Variants in CAPZB observed in about 807,000 individuals in gnomAD.
CAPZB encodes F-actin-capping protein subunit beta.
CAPZB carries 2 observed loss-of-function variants against 38.1 expected under a neutral mutation model. The observed-to-expected ratio is 0.05, with a 90% CI of 0.02 to 0.17. The LOEUF (loss-of-function observed/expected upper bound fraction) is 0.17, where lower values mean the gene tolerates loss of function less well. Among genes scored for constraint, CAPZB ranks in the 10% least tolerant of loss-of-function variants. CAPZB has a pLI of 1.00. For synonymous variants in CAPZB, 107 were observed against 127.4 expected, an observed-to-expected ratio of 0.84 and a Z score of 1.08; for missense variants, 161 against 334.2, an observed-to-expected ratio of 0.48 and a Z score of 4.04.
intron 1 of CAPZB, among the ~76,000 whole-genome samples, chr1:19,471,032 G>C (rs2094585221): frequency 6.6e-6 from 1 of 152,132 alleles, no homozygotes; most frequent in Non-Finnish European, 1.5e-5. Context: ...CTGAAACCTT[G>C]GATAGTACCA....
chr1:19,386,161 C>T (rs988165617), intron 2 of CAPZB, among the ~76,000 whole-genome samples: 3 of 152,252 alleles, frequency 2.0e-5, no homozygotes, highest in Admixed American at 6.5e-5. Flanking sequence ...GAGAGCTTCA[C>T]CCCGGCTCCC....
At chr1:19,462,125 T>C (rs1014342179) in intron 1 of CAPZB, among the ~76,000 whole-genome samples, 1 of 151,452 alleles carries the variant, frequency 6.6e-6, no homozygotes, top group Non-Finnish European at 1.5e-5. Context: ...GCCACTGCAC[T>C]CCAGCCTGGG....
intron 1 of CAPZB, chr1:19,448,880 C>A (rs760754272): frequency 6.2e-7 from 1 of 1,612,864 alleles, no homozygotes; most frequent in South Asian, 1.1e-5. Flanking sequence ...AAGGCCTGGG[C>A]GAGAGAACCC....
intron 1 of CAPZB, among the ~76,000 whole-genome samples, chr1:19,427,094 C>T (rs965362853): frequency 6.6e-5 from 10 of 152,244 alleles, no homozygotes; most frequent in Non-Finnish European, 1.5e-4. Context: ...CTGGGGCCAA[C>T]TGCTAGAGGA....
intron 1 of CAPZB, among the ~76,000 whole-genome samples, chr1:19,430,100 ATT>A (rs2094437230): frequency 6.6e-6 from 1 of 151,988 alleles, no homozygotes; most frequent in South Asian, 2.1e-4. Context: ...CCTTCTCCCT[ATT>A]TACTGGTGCT....
intron 1 of CAPZB, among the ~76,000 whole-genome samples, chr1:19,469,511 C>T (rs1034847106): frequency 2.0e-5 from 3 of 152,030 alleles, no homozygotes; most frequent in African/African-American, 7.3e-5. Flanking sequence ...GGAGTCCTCT[C>T]AACTTGGCCA....
chr1:19,370,438 G>A (rs1039821462), intron 4 of CAPZB, among the ~76,000 whole-genome samples: 1 of 152,186 alleles, frequency 6.6e-6, no homozygotes, highest in Non-Finnish European at 1.5e-5. Context: ...AGCTTTCAAC[G>A]TCCTGCTCCA....
chr1:19,432,042 C>CAAAA (rs10583269), intron 1 of CAPZB, among the ~76,000 whole-genome samples: 16 of 122,554 alleles, frequency 1.3e-4, no homozygotes, highest in East Asian at 2.4e-4. Flanking sequence ...GATCCTGTCT[C>CAAAA]AAAAAAAAAA....
At chr1:19,342,638 G>T in intron 8 of CAPZB, 1 of 693,750 alleles carries the variant, frequency 1.4e-6, no homozygotes, top group Non-Finnish European at 2.6e-6. Flanking sequence ...GAGCACACGT[G>T]GGGGTTAGTG....
chr1:19,411,098 C>A (rs1237782517), intron 2 of CAPZB, among the ~76,000 whole-genome samples: 1 of 152,138 alleles, frequency 6.6e-6, no homozygotes, highest in Non-Finnish European at 1.5e-5. Context: ...AATCCCAGAA[C>A]TTTGGGAGGC....
chr1:19,419,912 G>C (rs1353060374), intron 1 of CAPZB, 162 bp from the exon 2 acceptor site: 3 of 586,858 alleles, frequency 5.1e-6, no homozygotes. Flanking sequence ...AGCGGGGGGC[G>C]ACTGTGCAGG....
At chr1:19,375,236 C>T (rs983431122) in intron 4 of CAPZB, among the ~76,000 whole-genome samples, 1 of 152,328 alleles carries the variant, frequency 6.6e-6, no homozygotes, top group East Asian at 1.9e-4. Flanking sequence ...TGGGTTGGTT[C>T]GTCACATGTG....
intron 2 of CAPZB, among the ~76,000 whole-genome samples, chr1:19,402,368 C>G (rs1030121679): frequency 6.6e-6 from 1 of 152,236 alleles, no homozygotes; most frequent in Admixed American, 6.5e-5. Flanking sequence ...AACAGGCTTA[C>G]AAGGGCACAT....
chr1:19,455,185 G>C (rs984174431), intron 1 of CAPZB, among the ~76,000 whole-genome samples: 2 of 152,212 alleles, frequency 1.3e-5, no homozygotes, highest in Non-Finnish European at 2.9e-5. Flanking sequence ...AAGGGTTCCT[G>C]GGTTAAGGGG....
intron 2 of CAPZB, among the ~76,000 whole-genome samples, chr1:19,401,227 C>T (rs1223267346): frequency 1.3e-5 from 2 of 152,016 alleles, no homozygotes; most frequent in African/African-American, 4.8e-5. Context: ...AAAAACTTCC[C>T]CCAAACAAAA....
At chr1:19,410,461 C>T (rs2094352539) in intron 2 of CAPZB, among the ~76,000 whole-genome samples, 1 of 152,220 alleles carries the variant, frequency 6.6e-6, no homozygotes, top group Non-Finnish European at 1.5e-5. Flanking sequence ...TCCCCCCAAA[C>T]ACACACAATG....
chr1:19,381,838 A>C (rs778569726), intron 3 of CAPZB, among the ~76,000 whole-genome samples: 4 of 151,960 alleles, frequency 2.6e-5, no homozygotes, highest in Non-Finnish European at 5.9e-5. Flanking sequence ...AAAAAACAAA[A>C]ACACCAAATC....
chr1:19,355,680 G>A (rs771390567), intron 6 of CAPZB, among the ~76,000 whole-genome samples: 34 of 152,296 alleles, frequency 2.2e-4, no homozygotes, highest in Admixed American at 1.8e-3. Context: ...GTGGCGCCCC[G>A]CTGAGGCTCT....
At chr1:19,479,446 C>T (rs1256112102) in intron 1 of CAPZB, among the ~76,000 whole-genome samples, 1 of 152,206 alleles carries the variant, frequency 6.6e-6, no homozygotes, top group Non-Finnish European at 1.5e-5. Flanking sequence ...GCTTTGCAGA[C>T]ACCACTATCT....
Sources: gnomAD v4.1 joint callset for allele counts (sites outside exome capture counted in the v4.1 genomes callset) on GRCh38, gnomAD v4.1.1 for gene constraint, MANE v1.5 for transcripts, NCBI Gene and HGNC (gene_info 2026-07-23, HGNC 2026-07-21) for gene names.